The following FANCC variants were observed in gnomAD, a reference collection of about 807,000 sequenced individuals.
FANCC encodes FA complementation group C, also known as Fanconi anemia group C protein.
Under a neutral mutation model 71.3 loss-of-function variants are expected in FANCC, and 55 were observed. The ratio of observed to expected loss-of-function variants is 0.77; its 90% confidence interval spans 0.62 to 0.97. The LOEUF is 0.97. FANCC is among the 50% of genes least tolerant of loss of function. The pLI is 0.00. For missense variants in FANCC, 678 were observed against 670.9 expected, an observed-to-expected ratio of 1.01 and a Z score of -0.12; for synonymous variants, 275 against 244.9, an observed-to-expected ratio of 1.12 and a Z score of -1.15.
intron 2 of FANCC, among the ~76,000 whole-genome samples, chr9:95,247,794 A>T (rs1831084773): frequency 6.6e-6 from 1 of 152,234 alleles, no homozygotes; most frequent in Non-Finnish European, 1.5e-5. Flanking sequence ...ACTCATACTT[A>T]ATAGTCAGTA....
At chr9:95,171,884 G>A (rs911897173) in intron 5 of FANCC, among the ~76,000 whole-genome samples, 153 bp downstream of exon 5, 1 of 152,088 alleles carries the variant, frequency 6.6e-6, no homozygotes, top group Non-Finnish European at 1.5e-5. Context: ...CATTTCTTCC[G>A]TACATGGCCA....
At chr9:95,195,567 C>G (rs1454762459) in intron 4 of FANCC, among the ~76,000 whole-genome samples, 1 of 152,166 alleles carries the variant, frequency 6.6e-6, no homozygotes, top group African/African-American at 2.4e-5. Flanking sequence ...TCCCCGTTTT[C>G]TTGTCAAAAT....
chr9:95,271,932 T>C (rs1259115849), intron 1 of FANCC, among the ~76,000 whole-genome samples: 2 of 91,588 alleles, frequency 2.2e-5, no homozygotes, highest in African/African-American at 1.0e-4. Context: ...CTCTTCTTTT[T>C]TTTTTTTTTT....
chr9:95,264,304 G>A (rs1832253140), intron 1 of FANCC, among the ~76,000 whole-genome samples: 1 of 152,108 alleles, frequency 6.6e-6, no homozygotes, highest in Admixed American at 6.5e-5. Context: ...CTGAACAAAT[G>A]TATGGAAAAT....
At chr9:95,294,598 C>A in intron 1 of FANCC, 1 of 1,554,058 alleles carries the variant, frequency 6.4e-7, no homozygotes, top group Non-Finnish European at 8.9e-7. Flanking sequence ...TATACCTGCT[C>A]TAGAAAGCAA....
chr9:95,103,513 C>T (rs1168036571), intron 14 of FANCC, among the ~76,000 whole-genome samples: 1 of 152,180 alleles, frequency 6.6e-6, no homozygotes, highest in Admixed American at 6.5e-5. Context: ...GGTGGAGCCC[C>T]AGGGGTGGAC....
intron 4 of FANCC, among the ~76,000 whole-genome samples, chr9:95,193,067 G>A (rs1827208588): frequency 6.6e-6 from 1 of 152,190 alleles, no homozygotes; most frequent in African/African-American, 2.4e-5. Flanking sequence ...AGTTGAGGTG[G>A]CTGCCTTCAA....
intron 6 of FANCC, among the ~76,000 whole-genome samples, chr9:95,151,166 A>G (rs1381883402): frequency 6.6e-6 from 1 of 152,090 alleles, no homozygotes; most frequent in Non-Finnish European, 1.5e-5. Flanking sequence ...TCACCACCTG[A>G]CCTACACAGT....
chr9:95,150,131 G>A (rs1588182383), intron 6 of FANCC, 44 bp from the exon 7 acceptor site: 1 of 1,605,068 alleles, frequency 6.2e-7, no homozygotes, highest in Non-Finnish European at 8.5e-7. Flanking sequence ...TAAGAGCCAT[G>A]CATAATTAAG....
intron 1 of FANCC, chr9:95,316,772 G>A (rs1478195542): frequency 6.6e-6 from 1 of 152,108 alleles, no homozygotes; most frequent in East Asian, 1.9e-4. Context: ...ATCATAGAGG[G>A]TTCGTAGTTG....
intron 8 of FANCC, 144 bp from the exon 9 acceptor site, chr9:95,126,725 C>T: frequency 2.5e-6 from 2 of 803,064 alleles, no homozygotes; most frequent in Non-Finnish European, 4.2e-6. Flanking sequence ...CGAACCACTG[C>T]TGTACTGAAA....
intron 4 of FANCC, among the ~76,000 whole-genome samples, chr9:95,236,815 C>T (rs541560558): frequency 6.6e-6 from 1 of 152,252 alleles, no homozygotes; most frequent in African/African-American, 2.4e-5. Flanking sequence ...AATTAGCAAA[C>T]ATTAAAATAT....
intron 13 of FANCC, chr9:95,109,891 C>G (rs192483907): frequency 6.6e-6 from 1 of 152,232 alleles, no homozygotes; most frequent in Non-Finnish European, 1.5e-5. Flanking sequence ...GCTCACAAAA[C>G]CCAGGAAAAC....
At chr9:95,259,114 C>A (rs956461738) in intron 1 of FANCC, among the ~76,000 whole-genome samples, 8 of 152,104 alleles carry the variant, frequency 5.3e-5, no homozygotes, top group Non-Finnish European at 1.2e-4. Flanking sequence ...GGTCATACTG[C>A]CCAAAGTAAT....
In FANCC at chr9:95,107,206, G is replaced by C; in HGVS notation, c.1393C>G (p.Gln465Glu). The part of the protein sequence containing the change: ...AMSRSSSLSA[Q>E]DLQTVAGQGT... Reference sequence around the variant, plus strand: ...TGTCCTGCTACCGTCTGCAGGTCCTGGGCTGAGAGGCTGCTGCTTCTGGAC... The same window carrying C: ...TGTCCTGCTACCGTCTGCAGGTCCTCGGCTGAGAGGCTGCTGCTTCTGGAC... Residue 465 changes from glutamine (Q) to glutamate (E), a missense_variant, in exon 14 of 15, where the codon CAG (glutamine) becomes GAG (glutamate). By Grantham distance (29) the Gln-to-Glu change is conservative. Transcript: ENST00000289081. 6.2e-7 allele frequency: 1 copy of C among 1,614,182 alleles called. No homozygotes were observed. The highest frequency in any genetic ancestry group is 8.5e-7 in the Non-Finnish European group (1 of 1,180,022).
intron 4 of FANCC, among the ~76,000 whole-genome samples, chr9:95,188,158 C>T (rs1826848775): frequency 6.6e-6 from 1 of 152,172 alleles, no homozygotes; most frequent in African/African-American, 2.4e-5. Flanking sequence ...TCTTCTGTTT[C>T]ATCATTCTGT....
rs576605250 is a variant in FANCC at position 95,244,678 on chromosome 9, C to CAAAAAA, written c.250+2748_250+2753dup. 6.3e-4 allele frequency among the ~76,000 whole-genome samples: 26 copies of CAAAAAA among 41,574 alleles called. 2 individuals carry two copies. The highest frequency in any genetic ancestry group is 1.8e-3 in the East Asian group (2 of 1,126). 27.3% of individuals were successfully genotyped at this position (41,574 alleles called of 152,430 possible). A position where few individuals can be genotyped will look rare whatever the true frequency, so the allele number is the denominator to read the frequency against. ...TAGGCAACAGAGCAAGACTTTGTCT[C>CAAAAAA]AAAAAAAAAAAAAAAAAAAAAAAAA... On this transcript the variant is annotated intron_variant, in intron 3 of 14. Coordinates refer to ENST00000289081, the MANE Select transcript of FANCC (RefSeq NM_000136.3).
intron 8 of FANCC, among the ~76,000 whole-genome samples, chr9:95,128,304 T>C (rs779856328): frequency 2.0e-4 from 30 of 152,372 alleles, no homozygotes; most frequent in Middle Eastern, 3.4e-3. Context: ...TTTTCAAAGT[T>C]TGTACAACAA....
intron 4 of FANCC, among the ~76,000 whole-genome samples, chr9:95,174,277 G>A (rs1825875769): frequency 6.6e-6 from 1 of 151,938 alleles, no homozygotes; most frequent in South Asian, 2.1e-4. Flanking sequence ...GGACAGAAGG[G>A]CAAAAAGGGC....
Sources: gnomAD v4.1 joint callset for allele counts (sites outside exome capture counted in the v4.1 genomes callset) on GRCh38, gnomAD v4.1.1 for gene constraint, MANE v1.5 for transcripts, NCBI Gene and HGNC (gene_info 2026-07-23, HGNC 2026-07-21) for gene names.